LRRC9: variants seen among roughly 807,000 people sequenced by gnomAD.
The protein encoded by LRRC9 is leucine rich repeat containing 9.
Under a neutral mutation model 63.2 loss-of-function variants are expected in LRRC9, and 122 were observed. The observed-to-expected ratio is 1.93, with a 90% CI of 1.67 to 2.24. LRRC9 has a LOEUF of 2.24. Ranked by LOEUF, LRRC9 falls within the 30% of genes most tolerant of loss-of-function variation. The pLI is 0.00. For missense variants in LRRC9, 1,071 were observed against 627.7 expected (o/e 1.71, Z -7.55); for synonymous variants, 366 against 213.1 (o/e 1.72, Z -6.25).
At chr14:60,045,439 T>C (rs1242592676) in intron 29 of LRRC9, among the ~76,000 whole-genome samples, 1 of 152,142 alleles carries the variant, frequency 6.6e-6, no homozygotes, top group Non-Finnish European at 1.5e-5. Context: ...CTCCCACCCC[T>C]GACTGGCCCC....
intron 23 of LRRC9, among the ~76,000 whole-genome samples, chr14:60,013,993 C>A (rs1890473380): frequency 6.6e-6 from 1 of 151,814 alleles, no homozygotes; most frequent in Non-Finnish European, 1.5e-5. Context: ...CTTCTGTTTT[C>A]TTTTTTGTGC....
At chr14:60,011,303 C>T (rs1890241116) in intron 23 of LRRC9, among the ~76,000 whole-genome samples, 1 of 152,158 alleles carries the variant, frequency 6.6e-6, no homozygotes. Context: ...TTCACTATCA[C>T]AAGAACAGCA....
At chr14:59,944,559 A>AT (rs998866351) in intron 7 of LRRC9, 30 bp from the exon 8 acceptor site, 1 of 542,584 alleles carries the variant, frequency 1.8e-6, no homozygotes, top group Non-Finnish European at 3.2e-6. Flanking sequence ...GTTTTAGCTA[A>AT]TTTTTTGTTG....
At chr14:59,955,939 TG>T (rs1177079724) in intron 8 of LRRC9, among the ~76,000 whole-genome samples, 2 of 152,314 alleles carry the variant, frequency 1.3e-5, no homozygotes, top group East Asian at 3.9e-4. Flanking sequence ...TCCATATTTT[TG>T]TGTGGGTTTT....
rs1884001783 is a variant in LRRC9, at chr14:59,958,357, C to G, written c.883-1461C>G. Reference sequence around the variant, plus strand: ...GATGCCCTGCCCAGTGAGGAGGAATCTAGAGAAGCAGTCTGACCACAGCTG... The same window carrying G: ...GATGCCCTGCCCAGTGAGGAGGAATGTAGAGAAGCAGTCTGACCACAGCTG... On this transcript the variant is annotated intron_variant, in intron 8 of 31. Transcript: ENST00000445360. This position sits in a 1 kb window ranked among gnomAD's most constrained non-coding sequence, Gnocchi z 4.0. 6.6e-6 allele frequency among the ~76,000 whole-genome samples: 1 copy of G among 152,212 alleles called. No individual in the cohort carries two copies. Among genetic ancestry groups the G allele is most frequent in the African/African-American group, 2.4e-5 (1 of 41,450 alleles).
At chr14:60,063,178 A>G (rs1894767671) in intron 31 of LRRC9, 145 bp from the exon 33 acceptor site, 2 of 582,170 alleles carry the variant, frequency 3.4e-6, no homozygotes, top group Non-Finnish European at 3.1e-6. Context: ...TACAGGTGTG[A>G]GCCACCAATG....
intron 29 of LRRC9, among the ~76,000 whole-genome samples, chr14:60,045,020 A>C (rs2140398326): frequency 6.9e-6 from 1 of 144,978 alleles, no homozygotes; most frequent in Admixed American, 6.8e-5. Context: ...CTGAATTGAA[A>C]CCTTTGTCAT....
intron 16 of LRRC9, 132 bp from the exon 17 acceptor site, chr14:59,984,973 A>G (rs1887307956): frequency 4.7e-6 from 2 of 429,494 alleles, no homozygotes; most frequent in Admixed American, 7.8e-5. Flanking sequence ...AATGCTATTT[A>G]AAATAACTGC....
intron 15 of LRRC9, 39 bp downstream of exon 15, chr14:59,978,171 T>G: frequency 2.9e-6 from 2 of 695,898 alleles, no homozygotes; most frequent in South Asian, 3.0e-5. Flanking sequence ...TAATTCTAAT[T>G]CCTTAAATGG....
downstream of LRRC9, among the ~76,000 whole-genome samples, chr14:60,065,036 T>C (rs1289702465): frequency 2.0e-5 from 3 of 152,248 alleles, no homozygotes; most frequent in Admixed American, 6.5e-5. Context: ...GTGATTTTTA[T>C]GTACACATTG....
At chr14:60,021,371 G>A (rs1891103749) in intron 26 of LRRC9, among the ~76,000 whole-genome samples, 1 of 151,774 alleles carries the variant, frequency 6.6e-6, no homozygotes, top group Non-Finnish European at 1.5e-5. Context: ...TCATTATTAA[G>A]TGTCTTTATA....
chr14:59,945,222 G>T (rs568055603), intron 8 of LRRC9, among the ~76,000 whole-genome samples: 41 of 151,560 alleles, frequency 2.7e-4, no homozygotes, highest in Non-Finnish European at 5.0e-4. Context: ...CTATATGTTA[G>T]TAGTATGTAT....
chr14:60,053,872 C>A lies in LRRC9; in HGVS notation c.4131+667C>A. 1 of 447,402 alleles carries A rather than the reference C, an allele frequency of 2.2e-6. No homozygotes were observed. The highest frequency in any genetic ancestry group is 4.5e-6 in the Non-Finnish European group (1 of 224,468). The allele number at this position is 447,402 out of a possible 1,614,324, so 27.7% of individuals were successfully genotyped here. On this transcript the variant is annotated intron_variant, in intron 30 of 31. Transcript: ENST00000445360. This position sits in a 1 kb window ranked among gnomAD's most constrained non-coding sequence, Gnocchi z 4.8. ...ACACAGAAAATCTATGGTTTTTGAA[C>A]AGAGAAGTAACATTATTAGAATGCT...
intron 12 of LRRC9, among the ~76,000 whole-genome samples, chr14:59,968,887 A>G (rs1885156663): frequency 6.6e-6 from 1 of 152,172 alleles, no homozygotes; most frequent in African/African-American, 2.4e-5. Context: ...CCCACATGTA[A>G]CTATTAAGCA....
chr14:60,040,458 T>C (rs902127044), intron 29 of LRRC9, among the ~76,000 whole-genome samples: 27 of 152,122 alleles, frequency 1.8e-4, no homozygotes, highest in Admixed American at 5.2e-4. Flanking sequence ...ATTGGGTGCA[T>C]ATATATGTAG....
chr14:60,027,974 A>G lies in LRRC9; in HGVS notation c.3794A>G (p.Asp1265Gly), dbSNP rs1260345059. The G allele has an allele frequency of 1.4e-6, 1 of 701,820 alleles. No homozygotes were observed. The highest frequency in any genetic ancestry group is 2.7e-5 in the East Asian group (1 of 37,272). 43.5% of individuals were successfully genotyped at this position (701,820 alleles called of 1,614,324 possible). A position where few individuals can be genotyped will look rare whatever the true frequency, so the allele number is the denominator to read the frequency against. Reference sequence around the variant, plus strand: ...CATAACCGCATCCGATCATTTAATGACAGTGCTTTTGCCAAACCAAGTTCT... The same window carrying G: ...CATAACCGCATCCGATCATTTAATGGCAGTGCTTTTGCCAAACCAAGTTCT... Residue 1265 changes from aspartate to glycine, a missense_variant, in exon 28 of 32, where the codon GAC becomes GGC. Transcript: ENST00000445360. The surrounding 1 kb of genome is among the most constrained non-coding windows in gnomAD (Gnocchi z 4.0).
chr14:59,946,483 A>T (rs537348189), intron 8 of LRRC9, among the ~76,000 whole-genome samples: 172 of 151,272 alleles, frequency 1.1e-3, no homozygotes, highest in Middle Eastern at 3.4e-3. Flanking sequence ...AATATGCTTA[A>T]TCTATTTTCT....
chr14:59,939,014 C>T (rs202240223), intron 7 of LRRC9, among the ~76,000 whole-genome samples: 1 of 109,430 alleles, frequency 9.1e-6, no homozygotes, highest in Non-Finnish European at 1.8e-5. Flanking sequence ...CATATATACA[C>T]ATATATATAT....
At chr14:60,032,867 G>A (rs1892106812) in intron 29 of LRRC9, among the ~76,000 whole-genome samples, 1 of 152,030 alleles carries the variant, frequency 6.6e-6, no homozygotes, top group Admixed American at 6.6e-5. Context: ...CCCTAGTAGA[G>A]AGGAAGTGAA....
Sources: allele counts gnomAD v4.1 joint callset (sites outside exome capture counted in the v4.1 genomes callset), GRCh38; gene constraint gnomAD v4.1.1; non-coding constraint Gnocchi (gnomAD v3.1); transcripts MANE v1.5; gene names NCBI Gene and HGNC (gene_info 2026-07-23, HGNC 2026-07-21).